MMUT: variants seen among roughly 807,000 people sequenced by gnomAD.
MMUT encodes methylmalonyl-CoA mutase.
MMUT carries 79 observed loss-of-function variants against 79.9 expected under a neutral mutation model. The observed-to-expected ratio is 0.99, with a 90% CI of 0.82 to 1.19. The LOEUF is 1.19. MMUT is among the 50% of genes most tolerant of loss of function. The pLI, the probability that MMUT is intolerant of heterozygous loss-of-function variation, is 0.00. For synonymous variants in MMUT, 273 were observed against 295.7 expected (o/e 0.92, Z 0.79); for missense variants, 860 against 917.2 (o/e 0.94, Z 0.81).
intron 3 of MMUT, 139 bp downstream of exon 3, chr6:49,457,552 T>C: frequency 1.3e-6 from 1 of 749,298 alleles, no homozygotes; most frequent in Non-Finnish European, 2.1e-6. Context: ...ATTAGTACAT[T>C]AAAAACAAAA....
At position 49,459,696 on chromosome 6, in the gene MMUT, T is replaced by C. The variant is rs9395493; in HGVS notation, c.-39-191A>G. On this transcript the variant is annotated intron_variant, in intron 1 of 12. Transcript: ENST00000274813. The stretch of plus-strand genomic sequence containing the variant: ...CACAATTACTATCAGTCCTGTAGTT[T>C]CAGTCTTTTTCCTCAGTAGCCTCTT... Among the ~76,000 whole-genome samples, 89,709 of 151,972 alleles carry C rather than the reference T, an allele frequency of 0.59. 26,837 individuals carry two copies. The highest frequency in any genetic ancestry group is 0.65 in the South Asian group (3,130 of 4,810).
At chr6:49,441,716 TTTA>T (rs1361132437) in intron 10 of MMUT, 121 bp downstream of exon 10, 1 of 513,032 alleles carries the variant, frequency 1.9e-6, no homozygotes, top group Non-Finnish European at 2.9e-6. Flanking sequence ...TAATTTACTA[TTTA>T]TTATTATAAA....
Position 49,456,251 on chromosome 6 carries a change from A to G in MMUT, c.754-14T>C, listed in dbSNP as rs1174396376. The G allele has an allele frequency of 6.4e-7, 1 of 1,565,816 alleles. No individual in the cohort carries two copies. Among genetic ancestry groups the G allele is most frequent in the African/African-American group, 1.4e-5 (1 of 73,834 alleles). On this transcript the variant is annotated splice_polypyrimidine_tract_variant and intron_variant, in intron 3 of 12. Transcript: ENST00000274813. ...TTTTGGCATGTGCTACATAAAAAAA[A>G]AAATTGTAACAGTGAATAAGTAAAA...
intron 9 of MMUT, among the ~76,000 whole-genome samples, chr6:49,442,926 G>A (rs1421968913): frequency 3.3e-5 from 5 of 151,892 alleles, no homozygotes; most frequent in Admixed American, 3.3e-4. Context: ...ACCATCAAAG[G>A]ACTTTAATAA....
At position 49,459,402 on chromosome 6, in the gene MMUT, G is replaced by A. The variant is rs780304897; in HGVS notation, c.65C>T (p.Ser22Leu). ...SPHYLRQVKE[S>L]SGSRLIQQRL... is the part of the protein sequence containing the mutation. Reference sequence around the variant, plus strand: ...TTGCTGTATGAGCCTGGAGCCTGATGATTCTTTTACCTGCCTCAGGTAATG... The same window carrying A: ...TTGCTGTATGAGCCTGGAGCCTGATAATTCTTTTACCTGCCTCAGGTAATG... Residue 22 changes from serine (S) to leucine (L), a missense_variant, in exon 2 of 13, where the codon TCA (serine) becomes TTA (leucine). Physicochemically the swap from Ser to Leu is moderately radical, Grantham distance 145. Transcript: ENST00000274813. 1.9e-6 allele frequency: 3 copies of A among 1,613,524 alleles called. No individual in the cohort carries two copies. Among genetic ancestry groups the A allele is most frequent in the East Asian group, 4.5e-5 (2 of 44,876 alleles).
At chr6:49,459,586 G>A in intron 1 of MMUT, 81 bp from the exon 2 acceptor site, 1 of 1,086,988 alleles carries the variant, frequency 9.2e-7, no homozygotes, top group South Asian at 1.5e-5. Flanking sequence ...GAACAGAAAA[G>A]AAAGAGGATG....
intron 4 of MMUT, among the ~76,000 whole-genome samples, chr6:49,454,697 TTTA>T (rs1280030437): frequency 6.6e-6 from 1 of 152,242 alleles, no homozygotes; most frequent in African/African-American, 2.4e-5. Flanking sequence ...TTCCAAAGAA[TTTA>T]TTTCTTTATT....
chr6:49,448,803 C>T lies in MMUT; in HGVS notation c.1444+13G>A, dbSNP rs374285380. On this transcript the variant is annotated intron_variant, in intron 7 of 12. Transcript: ENST00000274813. ...CTACTGGATTTCATATATGAACTTT[C>T]TCACTATCTTACCAGAATCTATTCT... 1.0e-4 allele frequency: 163 copies of T among 1,581,134 alleles called. 1 individual carries two copies. In the African/African-American group the frequency reaches 2.1e-3, roughly 20 times the overall value.
At chr6:49,440,083 G>A (rs1767231923) in intron 11 of MMUT, 123 bp downstream of exon 11, 2 of 1,288,406 alleles carry the variant, frequency 1.6e-6, no homozygotes, top group Non-Finnish European at 2.2e-6. Flanking sequence ...CCAAGTCAGT[G>A]GCTACATACC....
intron 4 of MMUT, among the ~76,000 whole-genome samples, chr6:49,455,182 C>T (rs1299964805): frequency 6.6e-6 from 1 of 151,926 alleles, no homozygotes; most frequent in Non-Finnish European, 1.5e-5. Flanking sequence ...TTTTGCAAAT[C>T]TCTTCAATGT....
At chr6:49,443,797 G>A (rs529677399) in intron 9 of MMUT, 21 of 436,486 alleles carry the variant, frequency 4.8e-5, no homozygotes, top group African/African-American at 8.2e-5. Flanking sequence ...GCCAAATATC[G>A]TGTCTATGGG....
chr6:49,454,724 T>C (rs1250817933), intron 4 of MMUT, among the ~76,000 whole-genome samples: 2 of 152,204 alleles, frequency 1.3e-5, no homozygotes, highest in African/African-American at 4.8e-5. Flanking sequence ...ATAATATCTA[T>C]CAATATTTTA....
At position 49,430,740 on chromosome 6, in the gene MMUT, T is replaced by A. The variant is rs1766952423; in HGVS notation, c.*988A>T. ...TCATGTTAACAATAAAGGACAACTT[T>A]CCTTTTTTATTTAAACTTTTTTTAT... On this transcript the variant is annotated 3_prime_UTR_variant, in exon 13 of 13. Transcript: ENST00000274813. The A allele has an allele frequency of 6.6e-6, 1 of 152,198 alleles. No individual in the cohort carries two copies. Among genetic ancestry groups the A allele is most frequent in the Admixed American group, 6.5e-5 (1 of 15,276 alleles). The allele number at this position is 152,198 out of a possible 1,614,324, so 9.4% of individuals were successfully genotyped here.
chr6:49,460,911 T>C (rs1204170580), intron 1 of MMUT, among the ~76,000 whole-genome samples: 1 of 152,220 alleles, frequency 6.6e-6, no homozygotes, highest in East Asian at 1.9e-4. Flanking sequence ...ATTGTCAATA[T>C]ACATGAAATG....
chr6:49,438,526 A>C (rs1767191569), intron 11 of MMUT, among the ~76,000 whole-genome samples: 1 of 152,192 alleles, frequency 6.6e-6, no homozygotes. Flanking sequence ...CAGAGGCATA[A>C]TCAGTTTTAG....
intron 8 of MMUT, among the ~76,000 whole-genome samples, chr6:49,446,224 T>A (rs1268152720): frequency 6.6e-6 from 1 of 151,860 alleles, no homozygotes; most frequent in East Asian, 1.9e-4. Context: ...TTCACATTTT[T>A]AAAAAAATTA....
At position 49,459,136 on chromosome 6, in the gene MMUT, C is replaced by G; in HGVS notation, c.331G>C (p.Ala111Pro). The change falls in exon 2 of 13, where the codon GCT becomes CCT. Residue 111 changes from alanine to proline, a missense_variant. Transcript: ENST00000274813. ...TFRPWTIRQY[A>P]GFSTVEESNK... ...CTTTCTTCCACAGTACTAAAACCAG[C>G]ATACTGGCGGATGGTCCAGGGCCTA... 1 of 1,614,154 alleles carries G rather than the reference C, an allele frequency of 6.2e-7. No individual in the cohort carries two copies. The highest frequency in any genetic ancestry group is 8.5e-7 in the Non-Finnish European group (1 of 1,180,018).
rs910815412 is a variant in MMUT at position 49,447,913 on chromosome 6, A to G, written c.1445-128T>C. 19 of 640,566 alleles carry G rather than the reference A, an allele frequency of 3.0e-5. 1 individual carries two copies. The highest frequency in any genetic ancestry group is 7.7e-5 in the Admixed American group (3 of 39,044). The allele number at this position is 640,566 out of a possible 1,614,324, so 39.7% of individuals were successfully genotyped here. ...ATTCTTAATTCTTAATGCAACTTCA[A>G]TATAGATCAGCAAATCCCAATCTGA... On this transcript the variant is annotated intron_variant, in intron 7 of 12. Coordinates refer to ENST00000274813, the MANE Select transcript of MMUT (RefSeq NM_000255.4).
chr6:49,458,885 A>C (rs2127420288), intron 2 of MMUT, among the ~76,000 whole-genome samples, 197 bp downstream of exon 2: 1 of 152,308 alleles, frequency 6.6e-6, no homozygotes, highest in South Asian at 2.1e-4. Context: ...GTTTTCTTTC[A>C]AAAATTTAGC....
Sources: gnomAD v4.1 joint callset for allele counts (sites outside exome capture counted in the v4.1 genomes callset) on GRCh38, gnomAD v4.1.1 for gene constraint, MANE v1.5 for transcripts, NCBI Gene and HGNC (gene_info 2026-07-23, HGNC 2026-07-21) for gene names.